Variants in COP1 observed in about 807,000 individuals in gnomAD.
The protein encoded by COP1 is E3 ubiquitin-protein ligase COP1.
A neutral mutation model predicts 101.3 loss-of-function variants in COP1; 24 were observed. That is an observed-to-expected ratio of 0.24 (90% confidence interval 0.17 to 0.33). The LOEUF is 0.33. COP1 is among the 10% of genes least tolerant of loss of function. COP1 has a pLI of 1.00. For synonymous variants in COP1, 347 were observed against 341.9 expected (o/e 1.01, Z -0.17); for missense variants, 663 against 906.2 (o/e 0.73, Z 3.45).
At position 176,038,648 on chromosome 1, in the gene COP1, T is replaced by C. The variant is rs977462998; in HGVS notation, c.1612+4538A>G. Among the ~76,000 whole-genome samples the C allele has an allele frequency of 1.1e-4, 16 of 152,038 alleles. No homozygotes were observed. In the Middle Eastern group the frequency reaches 0.01, roughly 97 times the overall value. On this transcript the variant is annotated intron_variant, in intron 14 of 19. Transcript: ENST00000367669. ...GCCTGACCAATATGGTGAAATGCCA[T>C]CTCTACTAAAAATACAAAAATCAGC...
chr1:175,975,472 C>T (rs573778166), intron 18 of COP1, among the ~76,000 whole-genome samples: 3 of 152,250 alleles, frequency 2.0e-5, no homozygotes, highest in East Asian at 3.9e-4. Context: ...TGCAGTGCCA[C>T]GATCTCGGCT....
At chr1:175,993,366 C>T (rs1030397598) in intron 15 of COP1, among the ~76,000 whole-genome samples, 1 of 152,200 alleles carries the variant, frequency 6.6e-6, no homozygotes, top group African/African-American at 2.4e-5. Context: ...CGCAGCTCCT[C>T]ACCAGCAACG....
intron 3 of COP1, among the ~76,000 whole-genome samples, chr1:176,168,496 AGAAG>A (rs1344891020): frequency 1.9e-4 from 7 of 37,498 alleles, no homozygotes; most frequent in South Asian, 1.8e-3. Flanking sequence ...AAGGGAGGGA[AGAAG>A]GAAGGGAGGG....
intron 15 of COP1, among the ~76,000 whole-genome samples, chr1:175,997,431 C>CA (rs1660454395): frequency 1.3e-5 from 2 of 151,858 alleles, no homozygotes; most frequent in Admixed American, 1.3e-4. Flanking sequence ...TTCTGCACAG[C>CA]AAAAGAAACT....
chr1:176,198,891 C>T lies in COP1; in HGVS notation c.407+7681G>A, dbSNP rs182563745. On this transcript the variant is annotated intron_variant, in intron 1 of 19. Transcript: ENST00000367669. ...ACAATGTGATAAAACTACATATCCA[C>T]AAAAATGACTAATATTTAAAAGACT... Among the ~76,000 whole-genome samples, 4 of 152,210 alleles carry T rather than the reference C, an allele frequency of 2.6e-5. No homozygotes were observed. In the East Asian group the frequency reaches 5.8e-4, roughly 22 times the overall value.
At chr1:176,030,131 A>T (rs778245995) in intron 14 of COP1, among the ~76,000 whole-genome samples, 5 of 152,080 alleles carry the variant, frequency 3.3e-5, no homozygotes, top group Non-Finnish European at 7.4e-5. Context: ...TATTTTTTTT[A>T]AAGTAGAGAT....
At chr1:176,205,532 C>T (rs1379165096) in intron 1 of COP1, among the ~76,000 whole-genome samples, 2 of 152,186 alleles carry the variant, frequency 1.3e-5, no homozygotes, top group Non-Finnish European at 2.9e-5. Flanking sequence ...TGCAAGCAGC[C>T]AACTTCCTAC....
chr1:176,025,367 C>T (rs1257211236), intron 15 of COP1, among the ~76,000 whole-genome samples: 2 of 150,330 alleles, frequency 1.3e-5, no homozygotes, highest in Non-Finnish European at 3.0e-5. Context: ...CCAAACACTA[C>T]TAAAAAGCTA....
At chr1:175,959,693 G>C (rs927052278) in intron 18 of COP1, among the ~76,000 whole-genome samples, 2 of 152,002 alleles carry the variant, frequency 1.3e-5, no homozygotes, top group African/African-American at 4.8e-5. Flanking sequence ...TATGTTTATT[G>C]GTTAACTTGA....
chr1:176,177,603 C>T (rs1428555828), intron 2 of COP1, among the ~76,000 whole-genome samples: 1 of 151,922 alleles, frequency 6.6e-6, no homozygotes, highest in Non-Finnish European at 1.5e-5. Flanking sequence ...TTACTGGTAA[C>T]ACTCAGGAAA....
chr1:175,963,179 T>A (rs77796178), intron 18 of COP1, among the ~76,000 whole-genome samples: 3,376 of 152,224 alleles, frequency 0.022, 82 homozygotes, highest in Non-Finnish European at 0.026. Context: ...GCTATGATAA[T>A]ACTCTCATGG....
intron 6 of COP1, among the ~76,000 whole-genome samples, chr1:176,138,177 G>A (rs971607352): frequency 6.6e-5 from 10 of 152,196 alleles, no homozygotes; most frequent in Non-Finnish European, 1.2e-4. Flanking sequence ...TAACATATGC[G>A]AAGGTACAAA....
chr1:176,102,972 A>C (rs1683664683), intron 9 of COP1, among the ~76,000 whole-genome samples: 1 of 152,166 alleles, frequency 6.6e-6, no homozygotes, highest in Non-Finnish European at 1.5e-5. Context: ...AAATTATCCT[A>C]AAAATCTCTG....
At chr1:175,984,780 T>C (rs1656713468) in intron 18 of COP1, among the ~76,000 whole-genome samples, 1 of 152,216 alleles carries the variant, frequency 6.6e-6, no homozygotes, top group Non-Finnish European at 1.5e-5. Flanking sequence ...GTGTGAGACA[T>C]GGAGTCAAAG....
chr1:176,197,274 G>A (rs1275830587), intron 1 of COP1, among the ~76,000 whole-genome samples: 2 of 152,058 alleles, frequency 1.3e-5, no homozygotes, highest in African/African-American at 2.4e-5. Flanking sequence ...AATTATCCAG[G>A]TGTGGTGACA....
chr1:176,029,736 C>T (rs1393550011), intron 14 of COP1, among the ~76,000 whole-genome samples: 1 of 152,088 alleles, frequency 6.6e-6, no homozygotes, highest in Non-Finnish European at 1.5e-5. Flanking sequence ...AATACTGATA[C>T]AGTAACCTGT....
intron 5 of COP1, among the ~76,000 whole-genome samples, chr1:176,156,805 A>T (rs1003159873): frequency 2.0e-5 from 3 of 152,186 alleles, no homozygotes; most frequent in Non-Finnish European, 4.4e-5. Context: ...AAAATACATG[A>T]AGCAAAAATT....
intron 3 of COP1, among the ~76,000 whole-genome samples, chr1:176,172,791 A>G (rs575147348): frequency 8.5e-5 from 13 of 152,352 alleles, no homozygotes; most frequent in African/African-American, 3.1e-4. Flanking sequence ...ATGGATCGAC[A>G]TATCTCAATG....
In COP1 at chr1:176,044,828, G is replaced by A. The variant is rs188264075; in HGVS notation, c.1422-1010C>T. On this transcript the variant is annotated intron_variant, in intron 12 of 19. Transcript: ENST00000367669. Reference sequence around the variant, plus strand: ...TTCACCATTTATTCCAATATATCAGGAAGTATTGCACATTTTTACACATAC... The same window carrying A: ...TTCACCATTTATTCCAATATATCAGAAAGTATTGCACATTTTTACACATAC... 2.6e-3 allele frequency among the ~76,000 whole-genome samples: 395 copies of A among 152,208 alleles called. 1 individual carries two copies. The highest frequency in any genetic ancestry group is 4.1e-3 in the Non-Finnish European group (280 of 67,998).
Sources: gnomAD v4.1 joint callset for allele counts (sites outside exome capture counted in the v4.1 genomes callset) on GRCh38, gnomAD v4.1.1 for gene constraint, MANE v1.5 for transcripts, NCBI Gene and HGNC (gene_info 2026-07-23, HGNC 2026-07-21) for gene names.